ARHGAP20: variants seen among roughly 807,000 people sequenced by gnomAD.
The protein encoded by ARHGAP20 is Rho GTPase activating protein 20.
ARHGAP20 carries 34 observed loss-of-function variants against 73.7 expected under a neutral mutation model. The observed-to-expected ratio is 0.46, with a 90% CI of 0.35 to 0.61. The LOEUF is 0.61. ARHGAP20 is among the 20% of genes least tolerant of loss of function. The probability of loss-of-function intolerance (pLI) is 0.00; values close to 1 mark genes in which losing one functional copy is unlikely to be tolerated. For synonymous variants in ARHGAP20, 523 were observed against 518.2 expected (o/e 1.01, Z -0.13); for missense variants, 1,314 against 1,420.9 (o/e 0.92, Z 1.21).
intron 2 of ARHGAP20, among the ~76,000 whole-genome samples, chr11:110,661,573 AT>A (rs45595732): frequency 0.052 from 7,892 of 152,068 alleles, 253 homozygotes; most frequent in Middle Eastern, 0.095. Context: ...TATAAAGAAC[AT>A]TTTTTTCTCT....
At chr11:110,674,300 T>C (rs1467394509) in intron 2 of ARHGAP20, among the ~76,000 whole-genome samples, 1 of 152,214 alleles carries the variant, frequency 6.6e-6, no homozygotes, top group African/African-American at 2.4e-5. Context: ...CAACAATGTA[T>C]ACACAATGTA....
chr11:110,581,809 G>A (rs1319759913), intron 14 of ARHGAP20, among the ~76,000 whole-genome samples: 1 of 151,808 alleles, frequency 6.6e-6, no homozygotes, highest in Admixed American at 6.6e-5. Flanking sequence ...TATTCTGAAG[G>A]CAGCTGTATG....
intron 4 of ARHGAP20, among the ~76,000 whole-genome samples, chr11:110,623,941 T>C (rs1345412270): frequency 1.3e-5 from 2 of 152,218 alleles, no homozygotes; most frequent in East Asian, 1.9e-4. Context: ...AATTTTCACA[T>C]ATTTTAATCA....
chr11:110,664,687 C>T (rs528599913), intron 2 of ARHGAP20, among the ~76,000 whole-genome samples: 1 of 143,514 alleles, frequency 7.0e-6, no homozygotes, highest in South Asian at 2.2e-4. Flanking sequence ...GAGACTGTGC[C>T]ACTGCACTCC....
chr11:110,641,816 T>C (rs949829057), intron 2 of ARHGAP20, among the ~76,000 whole-genome samples: 3 of 152,098 alleles, frequency 2.0e-5, no homozygotes, highest in African/African-American at 7.2e-5. Context: ...AATTTAGTCA[T>C]CTTTGTGTGT....
chr11:110,599,564 A>G (rs554141927), intron 9 of ARHGAP20, among the ~76,000 whole-genome samples: 8 of 152,286 alleles, frequency 5.3e-5, no homozygotes, highest in African/African-American at 1.9e-4. Context: ...GGTGAGGCCT[A>G]CTTTTAGGCC....
At position 110,579,568 on chromosome 11, in the gene ARHGAP20, G is replaced by T. The variant is rs148117506; in HGVS notation, c.3378C>A (p.Phe1126Leu). The change falls in exon 15 of 15, where the codon TTC becomes TTA. Residue 1126 changes from phenylalanine (F) to leucine (L), a missense_variant. Transcript: ENST00000683387. ...QDSERHCSSP[F>L]SLVESRLKLC... Reference sequence around the variant, plus strand: ...GCTTAAGTCTGCTCTCCACCAGGCTGAATGGAGAGCTACAGTGTCTCTCTG... The same window carrying T: ...GCTTAAGTCTGCTCTCCACCAGGCTTAATGGAGAGCTACAGTGTCTCTCTG... 4.3e-6 allele frequency: 7 copies of T among 1,613,712 alleles called. No individual in the cohort carries two copies. In the African/African-American group the frequency reaches 8.0e-5, roughly 18 times the overall value.
chr11:110,605,210 G>A (rs1816232880), intron 9 of ARHGAP20, among the ~76,000 whole-genome samples: 1 of 152,178 alleles, frequency 6.6e-6, no homozygotes, highest in Non-Finnish European at 1.5e-5. Context: ...GATGGAGAAA[G>A]TGGTAGAGTT....
At chr11:110,687,622 T>C (rs1048301670) in intron 2 of ARHGAP20, among the ~76,000 whole-genome samples, 1 of 152,196 alleles carries the variant, frequency 6.6e-6, no homozygotes, top group Non-Finnish European at 1.5e-5. Context: ...TTAAACCCAA[T>C]GACCCTTTGT....
rs1947353457 is a variant in ARHGAP20, at chr11:110,578,784, C to T, written c.*586G>A. 4 of 985,524 alleles carry T rather than the reference C, an allele frequency of 4.1e-6. No homozygotes were observed. Among genetic ancestry groups the T allele is most frequent in the Non-Finnish European group, 4.8e-6 (4 of 829,944 alleles). 61.0% of individuals were successfully genotyped at this position (985,524 alleles called of 1,614,324 possible). ...CTGTTTTTCTCCACTCTAGCTGTAG[C>T]AATGGGCTGGTTCTTGGAATGATTC... On this transcript the variant is annotated 3_prime_UTR_variant, in exon 15 of 15. Transcript: ENST00000683387.
chr11:110,656,431 T>G (rs555028519), intron 2 of ARHGAP20, among the ~76,000 whole-genome samples: 2 of 152,122 alleles, frequency 1.3e-5, no homozygotes, highest in African/African-American at 4.8e-5. Context: ...CGCTTTGTAT[T>G]GGTGCAGAAT....
chr11:110,700,585 T>G (rs1950425360), intron 1 of ARHGAP20, among the ~76,000 whole-genome samples: 1 of 151,774 alleles, frequency 6.6e-6, no homozygotes, highest in Non-Finnish European at 1.5e-5. Context: ...TCTTTCTTTT[T>G]TATTTTATTT....
intron 1 of ARHGAP20, among the ~76,000 whole-genome samples, chr11:110,711,372 G>A (rs1317881849): frequency 1.3e-5 from 2 of 151,382 alleles, no homozygotes; most frequent in East Asian, 1.9e-4. Flanking sequence ...GCAGGGAGAA[G>A]GTCCCCCACC....
chr11:110,580,243 C>T lies in ARHGAP20; in HGVS notation c.2703G>A (p.Gln901=), dbSNP rs2134774485. The stretch of plus-strand genomic sequence containing the variant: ...CCACCTCAATCCCCATGACTAAACT[C>T]TGATTAATGAGCTTCTGCCCCTCCA... ...LQMEGQKLIN[Q]SLVMGIEVGK... Residue 901 remains glutamine (Q), a synonymous_variant, in exon 15 of 15, where the codon CAG becomes CAA. Coordinates refer to ENST00000683387, the MANE Select transcript of ARHGAP20 (RefSeq NM_001384657.1). 7 of 1,614,224 alleles carry T rather than the reference C, an allele frequency of 4.3e-6. No individual in the cohort carries two copies. The highest frequency in any genetic ancestry group is 5.1e-6 in the Non-Finnish European group (6 of 1,180,040).
intron 2 of ARHGAP20, among the ~76,000 whole-genome samples, chr11:110,651,747 CAA>C (rs71476092): frequency 0.025 from 3,422 of 136,170 alleles, 115 homozygotes; most frequent in African/African-American, 0.082. Context: ...GCCTACCAAC[CAA>C]AAAAAAAAAA....
At chr11:110,686,649 T>C (rs1591177363) in intron 2 of ARHGAP20, among the ~76,000 whole-genome samples, 1 of 152,256 alleles carries the variant, frequency 6.6e-6, no homozygotes, top group Middle Eastern at 3.4e-3. Context: ...ATCCTATAGA[T>C]AACAGTATTA....
Position 110,712,173 on chromosome 11 carries a change from GA to G in ARHGAP20, c.58del (p.Ser20ProfsTer2). 1 of 1,369,556 alleles carries G rather than the reference GA, an allele frequency of 7.3e-7. No individual in the cohort carries two copies. Among genetic ancestry groups the G allele is most frequent in the Non-Finnish European group, 9.5e-7 (1 of 1,055,632 alleles). 84.8% of individuals were successfully genotyped at this position (1,369,556 alleles called of 1,614,324 possible). A position where few individuals can be genotyped will look rare whatever the true frequency, so the allele number is the denominator to read the frequency against. ...CGCGAGCCGAGACACTCCTGTCAGG[GA>G]AGAGGAGCGCCCCGGCTGTCCCCCT... The part of the protein sequence containing the change: ...TLGGQPGRSS[S>X]LTGVSRLAGG... On this transcript the variant is annotated frameshift_variant, in exon 1 of 15. Transcript: ENST00000683387. LOFTEE classifies it high-confidence loss of function.
chr11:110,580,300 C>T lies in ARHGAP20; in HGVS notation c.2646G>A (p.Glu882=). Residue 882 remains glutamate, a synonymous_variant, in exon 15 of 15, where the codon GAG becomes GAA. Transcript: ENST00000683387. The stretch of plus-strand genomic sequence containing the variant: ...AAGACTTATGCCGTTTGAGATAATC[C>T]TCCTCTCCATGCAAGAGACCAGCTT... The part of the protein sequence containing the change: ...SCEAGLLHGE[E]DYLKRHKSLQ... 6.2e-7 allele frequency: 1 copy of T among 1,614,156 alleles called. No individual in the cohort carries two copies. Among genetic ancestry groups the T allele is most frequent in the Non-Finnish European group, 8.5e-7 (1 of 1,180,004 alleles).
intron 6 of ARHGAP20, among the ~76,000 whole-genome samples, chr11:110,613,654 T>C (rs536392160): frequency 1.3e-5 from 2 of 152,108 alleles, no homozygotes; most frequent in South Asian, 2.1e-4. Flanking sequence ...AAAAACAGTG[T>C]TTTTGTTTTG....
Sources: gnomAD v4.1 joint callset for allele counts (sites outside exome capture counted in the v4.1 genomes callset) on GRCh38, gnomAD v4.1.1 for gene constraint, MANE v1.5 for transcripts, NCBI Gene and HGNC (gene_info 2026-07-23, HGNC 2026-07-21) for gene names.